The following VWA3B variants were observed in gnomAD, a reference collection of about 807,000 sequenced individuals.
The protein encoded by VWA3B is von Willebrand factor A domain containing 3B, also known as von Willebrand factor A domain-containing protein 3B.
In VWA3B, 138 loss-of-function variants were observed where a neutral mutation model predicts 158.3. The ratio of observed to expected loss-of-function variants is 0.87; its 90% confidence interval spans 0.76 to 1.00. The LOEUF is 1.00. VWA3B is among the 50% of genes least tolerant of loss of function. The pLI, the probability that VWA3B is intolerant of heterozygous loss-of-function variation, is 0.00. For synonymous variants in VWA3B, 596 were observed against 587.3 expected (o/e 1.01, Z -0.21); for missense variants, 1,555 against 1,565.1 (o/e 0.99, Z 0.11).
At chr2:98,265,324 G>A (rs1022784182) in intron 21 of VWA3B, among the ~76,000 whole-genome samples, 1 of 151,398 alleles carries the variant, frequency 6.6e-6, no homozygotes, top group African/African-American at 2.4e-5. Context: ...ATAGTTTACT[G>A]AGAATGATGA....
At chr2:98,274,630 G>A (rs1395984385) in intron 22 of VWA3B, among the ~76,000 whole-genome samples, 2 of 152,192 alleles carry the variant, frequency 1.3e-5, no homozygotes, top group African/African-American at 2.4e-5. Flanking sequence ...ACCAGAAAAC[G>A]AGGTATTTGA....
rs539141667 is a variant in VWA3B, at chr2:98,121,356, C to T, written c.600C>T (p.Ser200=). 2.7e-5 allele frequency: 43 copies of T among 1,614,192 alleles called. No individual in the cohort carries two copies. The South Asian group carries it at 4.6e-4, about 17-fold the overall frequency. ...ATGCTACTCCTGTGACCGAACAGTC[C>T]ATAGCTACTGCCATCAGTTGGGTTG... ...QENATPVTEQ[S]IATAISWVEK... Residue 200 remains serine, a synonymous_variant, in exon 5 of 28, where the codon TCC becomes TCT. Coordinates refer to ENST00000477737, the MANE Select transcript of VWA3B (RefSeq NM_144992.5).
intron 12 of VWA3B, among the ~76,000 whole-genome samples, chr2:98,201,722 A>AT (rs1682560506): frequency 1.3e-5 from 2 of 152,048 alleles, no homozygotes; most frequent in African/African-American, 4.8e-5. Context: ...GATTTTGTAA[A>AT]TGTGTTTTCT....
At chr2:98,169,031 C>T (rs1679352374) in intron 8 of VWA3B, among the ~76,000 whole-genome samples, 1 of 152,096 alleles carries the variant, frequency 6.6e-6, no homozygotes, top group Non-Finnish European at 1.5e-5. Flanking sequence ...AAACTACACC[C>T]AGAGACATTT....
intron 7 of VWA3B, among the ~76,000 whole-genome samples, chr2:98,145,549 G>A (rs1225931747): frequency 6.6e-6 from 1 of 152,180 alleles, no homozygotes; most frequent in Non-Finnish European, 1.5e-5. Flanking sequence ...TCTGTCTGGT[G>A]TATCTCCTTT....
rs1301404983 is a variant in VWA3B, at chr2:98,125,533, A to T, written c.703-2706A>T. ...CATGCTCCACAGGACTGTTGTATTG[A>T]GTGAGATAATTCATTTTAGTTTATC... is the stretch of plus-strand genomic sequence containing the variant. On this transcript the variant is annotated intron_variant, in intron 5 of 27. Transcript: ENST00000477737. The surrounding 1 kb of genome is among the most constrained non-coding windows in gnomAD (Gnocchi z 4.1). Among the ~76,000 whole-genome samples, 2 of 152,226 alleles carry T rather than the reference A, an allele frequency of 1.3e-5. No homozygotes were observed. The highest frequency in any genetic ancestry group is 3.8e-4 in the East Asian group (2 of 5,196).
intron 8 of VWA3B, chr2:98,179,114 A>C (rs1161253282): frequency 2.3e-6 from 1 of 434,356 alleles, no homozygotes; most frequent in Non-Finnish European, 4.8e-6. Context: ...CTTTCATCCT[A>C]CCAAGCGGCC....
chr2:98,136,837 T>C (rs1401103736), intron 7 of VWA3B, among the ~76,000 whole-genome samples: 2 of 152,222 alleles, frequency 1.3e-5, no homozygotes, highest in African/African-American at 4.8e-5. Context: ...TTCTACTTTC[T>C]TTCTGTCTCC....
intron 22 of VWA3B, among the ~76,000 whole-genome samples, chr2:98,276,140 T>A (rs1365404495): frequency 1.3e-5 from 2 of 152,176 alleles, no homozygotes; most frequent in Non-Finnish European, 2.9e-5. Flanking sequence ...AGAGGTCACA[T>A]CTGGTGACTT....
At chr2:98,142,521 A>G (rs907913238) in intron 7 of VWA3B, among the ~76,000 whole-genome samples, 4 of 152,136 alleles carry the variant, frequency 2.6e-5, no homozygotes, top group Non-Finnish European at 5.9e-5. Context: ...ATCTTTCTAC[A>G]CTGCCATAGG....
intron 22 of VWA3B, among the ~76,000 whole-genome samples, chr2:98,273,772 A>G (rs1388542468): frequency 1.3e-5 from 2 of 152,180 alleles, no homozygotes; most frequent in African/African-American, 2.4e-5. Flanking sequence ...CCAGGTGTTG[A>G]GCTGTGGAGA....
intron 19 of VWA3B, among the ~76,000 whole-genome samples, chr2:98,237,981 T>C (rs1012507946): frequency 6.6e-6 from 1 of 152,182 alleles, no homozygotes; most frequent in Non-Finnish European, 1.5e-5. Flanking sequence ...TTCTGCTTTT[T>C]TGTGTATTTG....
chr2:98,240,061 T>C (rs754661060), intron 19 of VWA3B, among the ~76,000 whole-genome samples: 53 of 152,154 alleles, frequency 3.5e-4, no homozygotes, highest in Non-Finnish European at 6.3e-4. Flanking sequence ...ATTTAAGCCA[T>C]ACTTAAGTCT....
chr2:98,299,633 C>T lies in VWA3B; in HGVS notation c.3283-446C>T, dbSNP rs117099214. 1.8e-4 allele frequency among the ~76,000 whole-genome samples: 27 copies of T among 152,300 alleles called. 1 individual carries two copies. In the East Asian group the frequency reaches 3.3e-3, roughly 18 times the overall value. On this transcript the variant is annotated intron_variant, in intron 24 of 27. Coordinates refer to ENST00000477737, the MANE Select transcript of VWA3B (RefSeq NM_144992.5). ...GATCCTTTTTCTGCTGCAAATTCTC[C>T]GTTTGCGACTTTTACCCTTGGATTC...
rs1675261619 is a variant in VWA3B at position 98,125,205 on chromosome 2, T to C, written c.703-3034T>C. Among the ~76,000 whole-genome samples, 1 of 152,226 alleles carries C rather than the reference T, an allele frequency of 6.6e-6. No individual in the cohort carries two copies. The highest frequency in any genetic ancestry group is 2.4e-5 in the African/African-American group (1 of 41,456). ...CAAACAATCTCCTGGTCCCAACTTT[T>C]GGTCAGTGATGTTGGTATCTGGGGT... On this transcript the variant is annotated intron_variant, in intron 5 of 27. Transcript: ENST00000477737. The surrounding 1 kb of genome is among the most constrained non-coding windows in gnomAD (Gnocchi z 4.1).
intron 13 of VWA3B, among the ~76,000 whole-genome samples, chr2:98,215,555 T>G (rs1460089302): frequency 9.9e-5 from 15 of 151,620 alleles, no homozygotes; most frequent in Admixed American, 9.9e-4. Flanking sequence ...TCTGGCTCTG[T>G]CGCCCAGGCT....
chr2:98,113,304 C>T lies in VWA3B; in HGVS notation c.197-2348C>T, dbSNP rs1011801393. On this transcript the variant is annotated intron_variant, in intron 2 of 27. Coordinates refer to ENST00000477737, the MANE Select transcript of VWA3B (RefSeq NM_144992.5). Reference sequence around the variant, plus strand: ...ATGCAAACGATTGTTTCCAGGACCCCCTGTGTATACCAAATCCATGCATAC... The same window carrying T: ...ATGCAAACGATTGTTTCCAGGACCCTCTGTGTATACCAAATCCATGCATAC... 4.6e-5 allele frequency among the ~76,000 whole-genome samples: 7 copies of T among 152,024 alleles called. No individual in the cohort carries two copies. In the East Asian group the frequency reaches 5.8e-4, roughly 13 times the overall value.
rs1325337896 is a variant in VWA3B at position 98,296,726 on chromosome 2, C to A, written c.3158-1181C>A. 3.3e-5 allele frequency among the ~76,000 whole-genome samples: 5 copies of A among 152,294 alleles called. No homozygotes were observed. The East Asian group carries it at 9.6e-4, about 29-fold the overall frequency. On this transcript the variant is annotated intron_variant, in intron 23 of 27. Transcript: ENST00000477737. ...GAGGGTCTGTGAGCAGCTGATACTGCTGGGGGAGGTGTCCAATGTCATCAT... is the reference window on the plus strand; with the variant it reads ...GAGGGTCTGTGAGCAGCTGATACTGATGGGGGAGGTGTCCAATGTCATCAT...
chr2:98,136,486 A>G (rs1180612403), intron 7 of VWA3B, among the ~76,000 whole-genome samples: 1 of 152,102 alleles, frequency 6.6e-6, no homozygotes, highest in Non-Finnish European at 1.5e-5. Context: ...AGATCAAGGC[A>G]CTAGCCGATT....
Sources: gnomAD v4.1 joint callset for allele counts (sites outside exome capture counted in the v4.1 genomes callset) on GRCh38, gnomAD v4.1.1 for gene constraint, Gnocchi (gnomAD v3.1) non-coding constraint, MANE v1.5 for transcripts, NCBI Gene and HGNC (gene_info 2026-07-23, HGNC 2026-07-21) for gene names.